Variants in CFAP54 observed in about 807,000 individuals in gnomAD.
CFAP54 encodes the protein cilia and flagella associated protein 54, also known as cilia- and flagella-associated protein 54.
CFAP54 carries 290 observed loss-of-function variants against 370.4 expected under a neutral mutation model. The observed-to-expected ratio is 0.78, with a 90% confidence interval of 0.71 to 0.86. The LOEUF is 0.86. CFAP54 is among the 40% of genes least tolerant of loss of function. The pLI, the probability that CFAP54 is intolerant of heterozygous loss-of-function variation, is 0.00. For missense variants in CFAP54, 3,399 were observed against 3,528.7 expected (o/e 0.96, Z 0.93); for synonymous variants, 1,206 against 1,236.5 (o/e 0.98, Z 0.52).
chr12:96,500,194 C>CCAATCT (rs1955010847), intron 1 of CFAP54, among the ~76,000 whole-genome samples: 2 of 152,108 alleles, frequency 1.3e-5, no homozygotes, highest in Non-Finnish European at 2.9e-5. Context: ...GTGAAAGAAG[C>CCAATCT]CAATCTGAAA....
At chr12:96,733,972 C>T (rs1397321626) in intron 50 of CFAP54, among the ~76,000 whole-genome samples, 1 of 152,118 alleles carries the variant, frequency 6.6e-6, no homozygotes, top group Non-Finnish European at 1.5e-5. Context: ...TGAGGTGCCT[C>T]AGAAATGTGT....
At chr12:96,813,936 A>G (rs1456251506) in intron 64 of CFAP54, among the ~76,000 whole-genome samples, 1 of 152,208 alleles carries the variant, frequency 6.6e-6, no homozygotes, top group East Asian at 1.9e-4. Context: ...CAGAGCACAA[A>G]GGGAGGGAGC....
intron 40 of CFAP54, among the ~76,000 whole-genome samples, chr12:96,681,748 A>G (rs1205115727): frequency 1.3e-5 from 2 of 151,970 alleles, no homozygotes; most frequent in Non-Finnish European, 2.9e-5. Context: ...GACTATAGAC[A>G]TGCGCCACCA....
intron 66 of CFAP54, among the ~76,000 whole-genome samples, chr12:96,857,971 CAT>C (rs1959759342): frequency 1.3e-5 from 2 of 152,162 alleles, no homozygotes. Flanking sequence ...TTTGTGTGCA[CAT>C]GTCTGAAGTC....
Position 96,507,105 on chromosome 12 carries a change from T to C in CFAP54, c.739+6T>C. The C allele has an allele frequency of 1.3e-6, 2 of 1,491,654 alleles. No homozygotes were observed. Among genetic ancestry groups the C allele is most frequent in the South Asian group, 2.6e-5 (2 of 76,134 alleles). 92.4% of individuals were successfully genotyped at this position (1,491,654 alleles called of 1,614,324 possible). On this transcript the variant is annotated splice_donor_region_variant and intron_variant, in intron 4 of 67. Coordinates refer to ENST00000524981, the MANE Select transcript of CFAP54 (RefSeq NM_001306084.2). ...TTGCTGGATTATCTTCAATGGTATA[T>C]GCTGATGTATTTTATTTTCCATTGT... is the stretch of plus-strand genomic sequence containing the variant.
At chr12:96,812,036 A>G (rs1958933657) in intron 64 of CFAP54, among the ~76,000 whole-genome samples, 194 bp downstream of exon 64, 1 of 152,178 alleles carries the variant, frequency 6.6e-6, no homozygotes, top group Admixed American at 6.5e-5. Context: ...GCTTCATTCA[A>G]ATACCAGTTG....
At chr12:96,649,830 G>C (rs1009483624) in intron 34 of CFAP54, 61 bp from the exon 35 acceptor site, 1 of 1,111,582 alleles carries the variant, frequency 9.0e-7, no homozygotes, top group African/African-American at 1.6e-5. Flanking sequence ...ATCACCTACT[G>C]TGTTTTCTGG....
At chr12:96,625,692 A>T in intron 28 of CFAP54, 26 bp from the exon 29 acceptor site, 1 of 1,468,890 alleles carries the variant, frequency 6.8e-7, no homozygotes, top group Non-Finnish European at 9.2e-7. Context: ...AACAGAACAT[A>T]CAACTTTTGA....
chr12:96,613,546 ACAAAAAACCTT>A (rs1436871632), intron 26 of CFAP54, among the ~76,000 whole-genome samples: 1 of 152,168 alleles, frequency 6.6e-6, no homozygotes, highest in Non-Finnish European at 1.5e-5. Flanking sequence ...AGATAGAGAC[ACAAAAAACCTT>A]CAAAAAATCA....
At chr12:96,641,686 C>G (rs1238376816) in intron 32 of CFAP54, among the ~76,000 whole-genome samples, 1 of 152,088 alleles carries the variant, frequency 6.6e-6, no homozygotes, top group Non-Finnish European at 1.5e-5. Flanking sequence ...GCCAAATGTC[C>G]AACAATGATA....
chr12:96,515,942 G>A lies in CFAP54; in HGVS notation c.798+2898G>A, dbSNP rs529448121. Among the ~76,000 whole-genome samples the A allele has an allele frequency of 3.6e-3, 480 of 133,504 alleles. 2 individuals are homozygous for A. The highest frequency in any genetic ancestry group is 0.013 in the African/African-American group (460 of 34,618). The allele number at this position is 133,504 out of a possible 152,430, so 87.6% of individuals were successfully genotyped here. On this transcript the variant is annotated intron_variant, in intron 5 of 67. Transcript: ENST00000524981. The stretch of plus-strand genomic sequence containing the variant: ...TTTTTTTTTTTTTTTTTGATATGGA[G>A]TCTCGCTCTGTCGCCCAGGCTGGAG...
intron 25 of CFAP54, among the ~76,000 whole-genome samples, chr12:96,597,793 C>T (rs918225906): frequency 6.6e-6 from 1 of 151,792 alleles, no homozygotes; most frequent in Non-Finnish European, 1.5e-5. Context: ...CAACAACCCT[C>T]CTAGGTACAT....
At chr12:96,800,593 G>A (rs568058486) in intron 63 of CFAP54, among the ~76,000 whole-genome samples, 10 of 152,220 alleles carry the variant, frequency 6.6e-5, no homozygotes, top group East Asian at 1.9e-4. Context: ...AGATTTTATC[G>A]TTTTGGAAGA....
intron 39 of CFAP54, among the ~76,000 whole-genome samples, chr12:96,670,038 T>G (rs1265354294): frequency 6.6e-6 from 1 of 152,202 alleles, no homozygotes; most frequent in African/African-American, 2.4e-5. Flanking sequence ...CATGCTACTG[T>G]GTTCAGTGAG....
chr12:96,801,468 C>T (rs570362151), intron 63 of CFAP54, among the ~76,000 whole-genome samples: 5 of 152,216 alleles, frequency 3.3e-5, no homozygotes, highest in African/African-American at 9.6e-5. Context: ...ATGAACCTCC[C>T]AGACAATGGC....
Position 96,500,868 on chromosome 12 carries a change from G to A in CFAP54, c.352G>A (p.Ala118Thr), listed in dbSNP as rs916419211. 7.8e-6 allele frequency: 12 copies of A among 1,534,848 alleles called. No homozygotes were observed. Among genetic ancestry groups the A allele is most frequent in the Admixed American group, 3.9e-5 (2 of 50,898 alleles). The part of the protein sequence containing the change: ...TSLFNIWTKY[A>T]PRLPADYYNE... Reference sequence around the variant, plus strand: ...TTTGTTTAATATCTGGACTAAATACGCCCCCAGGCTGCCAGCAGACTATTA... The same window carrying A: ...TTTGTTTAATATCTGGACTAAATACACCCCCAGGCTGCCAGCAGACTATTA... Residue 118 changes from alanine to threonine, a missense_variant, in exon 2 of 68, where the codon GCC (alanine) becomes ACC (threonine). Physicochemically the swap from Ala to Thr is moderately conservative, Grantham distance 58. Coordinates refer to ENST00000524981, the MANE Select transcript of CFAP54 (RefSeq NM_001306084.2).
At chr12:96,832,979 A>G (rs1382905588) in intron 66 of CFAP54, among the ~76,000 whole-genome samples, 1 of 152,192 alleles carries the variant, frequency 6.6e-6, no homozygotes, top group African/African-American at 2.4e-5. Flanking sequence ...TTGCTGTGCA[A>G]TTTGGTTCCT....
Position 96,753,608 on chromosome 12 carries a change from G to A in CFAP54, c.7685-135G>A, listed in dbSNP as rs1958215318. The A allele has an allele frequency of 1.6e-5, 12 of 773,404 alleles. No homozygotes were observed. In the South Asian group the frequency reaches 2.9e-4, roughly 19 times the overall value. 47.9% of individuals were successfully genotyped at this position (773,404 alleles called of 1,614,324 possible). ...ATTATATGTCTTTAAAACATTTCTT[G>A]GATGCTAAAAACTGTAAAAACTACC... On this transcript the variant is annotated intron_variant, in intron 55 of 67. Coordinates refer to ENST00000524981, the MANE Select transcript of CFAP54 (RefSeq NM_001306084.2).
At chr12:96,787,015 C>T (rs1395171264) in intron 62 of CFAP54, 117 bp downstream of exon 62, 1 of 779,716 alleles carries the variant, frequency 1.3e-6, no homozygotes, top group African/African-American at 1.8e-5. Context: ...TCTCAGAGTT[C>T]TAGGGAAGGC....
Sources: allele counts gnomAD v4.1 joint callset (sites outside exome capture counted in the v4.1 genomes callset), GRCh38; gene constraint gnomAD v4.1.1; transcripts MANE v1.5; gene names NCBI Gene and HGNC (gene_info 2026-07-23, HGNC 2026-07-21).